The following SLAMF6 variants were observed in gnomAD, a reference collection of about 807,000 sequenced individuals.
SLAMF6 encodes NK-T-B-antigen.
In SLAMF6, 21 loss-of-function variants were observed where a neutral mutation model predicts 38.3. That is an observed-to-expected ratio of 0.55 (90% confidence interval 0.39 to 0.79). The LOEUF is 0.79. SLAMF6 is among the 30% of genes least tolerant of loss of function. The pLI, the probability that SLAMF6 is intolerant of heterozygous loss-of-function variation, is 0.00. For missense variants in SLAMF6, 341 were observed against 385.3 expected (o/e 0.89, Z 0.96); for synonymous variants, 152 against 146.3 (o/e 1.04, Z -0.28).
intron 1 of SLAMF6, among the ~76,000 whole-genome samples, chr1:160,500,917 T>C (rs1653854439): frequency 6.6e-6 from 1 of 152,294 alleles, no homozygotes; most frequent in Non-Finnish European, 1.5e-5. Flanking sequence ...TTAAGTTCCA[T>C]TGATTTTATA....
chr1:160,488,685 GCCACCTGCT>G (rs1227927076), intron 6 of SLAMF6, among the ~76,000 whole-genome samples: 9 of 152,142 alleles, frequency 5.9e-5, no homozygotes, highest in African/African-American at 2.2e-4. Flanking sequence ...TGAGAAGTCA[GCCACCTGCT>G]ATGGAACTAC....
chr1:160,521,536 G>T (rs772029604), intron 1 of SLAMF6, among the ~76,000 whole-genome samples: 1 of 152,092 alleles, frequency 6.6e-6, no homozygotes, highest in Non-Finnish European at 1.5e-5. Flanking sequence ...TCAGGAAGTG[G>T]CTCTTGAATG....
chr1:160,522,454 C>T (rs902264885), intron 1 of SLAMF6, among the ~76,000 whole-genome samples: 9 of 152,146 alleles, frequency 5.9e-5, no homozygotes, highest in Non-Finnish European at 1.3e-4. Context: ...CTTTGTCTCC[C>T]GTGGACCACT....
At chr1:160,499,540 G>C (rs561116781) in intron 1 of SLAMF6, among the ~76,000 whole-genome samples, 4 of 152,156 alleles carry the variant, frequency 2.6e-5, no homozygotes, top group Non-Finnish European at 4.4e-5. Flanking sequence ...TTGACTATTT[G>C]GGCTCTTTTT....
chr1:160,491,448 T>A, intron 2 of SLAMF6, 60 bp from the exon 3 acceptor site: 1 of 1,563,614 alleles, frequency 6.4e-7, no homozygotes, highest in Non-Finnish European at 8.6e-7. Context: ...CAACCCCCTG[T>A]GAAAAATATC....
chr1:160,495,792 T>G (rs1397776702), intron 2 of SLAMF6, among the ~76,000 whole-genome samples: 1 of 152,212 alleles, frequency 6.6e-6, no homozygotes, highest in Non-Finnish European at 1.5e-5. Context: ...TCATAAATAT[T>G]TGACTTCCAT....
chr1:160,508,330 A>G (rs779376425), intron 1 of SLAMF6, among the ~76,000 whole-genome samples: 2 of 152,190 alleles, frequency 1.3e-5, no homozygotes, highest in Non-Finnish European at 2.9e-5. Context: ...AGTGGTACAG[A>G]ACAGAGGCCT....
chr1:160,502,697 G>A (rs1219318337), intron 1 of SLAMF6, among the ~76,000 whole-genome samples: 1 of 152,170 alleles, frequency 6.6e-6, no homozygotes, highest in African/African-American at 2.4e-5. Flanking sequence ...GAACTAAGCA[G>A]ATTCTGAAAA....
chr1:160,488,947 A>G, intron 6 of SLAMF6, 141 bp downstream of exon 6: 5 of 723,410 alleles, frequency 6.9e-6, no homozygotes, highest in Non-Finnish European at 1.2e-5. Flanking sequence ...GGTCTAGCGC[A>G]TAACTTTGCA....
chr1:160,488,973 G>A, intron 6 of SLAMF6, 115 bp downstream of exon 6: 1 of 920,232 alleles, frequency 1.1e-6, no homozygotes, highest in Non-Finnish European at 1.8e-6. Flanking sequence ...TGTCGCTGTG[G>A]CTGTCTTCTC....
chr1:160,515,982 T>C (rs983262992), intron 1 of SLAMF6, among the ~76,000 whole-genome samples: 1 of 152,174 alleles, frequency 6.6e-6, no homozygotes, highest in Non-Finnish European at 1.5e-5. Context: ...CTATTCAGCA[T>C]AGTATTAGAA....
rs960242820 is a variant in SLAMF6, at chr1:160,490,052, T to TC, written c.796+145dup. ...ACCATGTAGGACCCATGATTACAGA[T>TC]CATCTCCCCTCACAGCATGTGGTCT... On this transcript the variant is annotated intron_variant, in intron 5 of 7. Transcript: ENST00000368057. 5 of 906,014 alleles carry TC rather than the reference T, an allele frequency of 5.5e-6. No individual in the cohort carries two copies. In the African/African-American group the frequency reaches 8.2e-5, roughly 15 times the overall value. 56.1% of individuals were successfully genotyped at this position (906,014 alleles called of 1,614,324 possible).
At chr1:160,511,456 G>C (rs1354220686) in intron 1 of SLAMF6, among the ~76,000 whole-genome samples, 1 of 152,140 alleles carries the variant, frequency 6.6e-6, no homozygotes, top group Non-Finnish European at 1.5e-5. Flanking sequence ...AGAGTGCTAA[G>C]ATCATTCAAT....
chr1:160,495,864 G>GTAA (rs1557937813), intron 2 of SLAMF6, among the ~76,000 whole-genome samples, 197 bp downstream of exon 2: 1 of 152,142 alleles, frequency 6.6e-6, no homozygotes, highest in Non-Finnish European at 1.5e-5. Flanking sequence ...ATTCTGGGCT[G>GTAA]GGACACAAGA....
In SLAMF6 at chr1:160,490,725, A is replaced by G. The variant is rs778798450; in HGVS notation, c.647-40T>C. The G allele has an allele frequency of 6.9e-6, 11 of 1,604,534 alleles. No homozygotes were observed. In the South Asian group the frequency reaches 9.0e-5, roughly 13 times the overall value. On this transcript the variant is annotated intron_variant, in intron 3 of 7. Coordinates refer to ENST00000368057, the MANE Select transcript of SLAMF6 (RefSeq NM_001184714.2). ...AAGAAATGACATTTGAGACACATCA[A>G]GTGAGGCCCACTGTTCTTGGAGCCT...
rs112676389 is a variant in SLAMF6, at chr1:160,488,107, C to A, written c.880-932G>T. On this transcript the variant is annotated intron_variant, in intron 6 of 7. Coordinates refer to ENST00000368057, the MANE Select transcript of SLAMF6 (RefSeq NM_001184714.2). ...CTCTGTCTCAAAAAAAAAAAAAAACCAAAAAACAAAAAACAAACCAACAAA... is the reference window on the plus strand; with the variant it reads ...CTCTGTCTCAAAAAAAAAAAAAAACAAAAAAACAAAAAACAAACCAACAAA... Among the ~76,000 whole-genome samples, 1,346 of 149,520 alleles carry A rather than the reference C, an allele frequency of 9.0e-3. 22 individuals are homozygous for A. The highest frequency in any genetic ancestry group is 0.031 in the African/African-American group (1,265 of 40,772).
chr1:160,488,174 T>C (rs1266956706), intron 6 of SLAMF6, among the ~76,000 whole-genome samples: 2 of 152,056 alleles, frequency 1.3e-5, no homozygotes, highest in African/African-American at 2.4e-5. Flanking sequence ...ATTTTTTTTT[T>C]CTTTTTGCTA....
At chr1:160,497,371 G>A (rs559629106) in intron 1 of SLAMF6, among the ~76,000 whole-genome samples, 16 of 152,180 alleles carry the variant, frequency 1.1e-4, no homozygotes, top group African/African-American at 2.9e-4. Flanking sequence ...AACTGACCAC[G>A]CCTTAATTAG....
At chr1:160,489,433 A>T (rs1423824338) in intron 5 of SLAMF6, among the ~76,000 whole-genome samples, 1 of 152,166 alleles carries the variant, frequency 6.6e-6, no homozygotes, top group African/African-American at 2.4e-5. Flanking sequence ...CAGGCTTCAC[A>T]TGTGGGTCAG....
Sources: gnomAD v4.1 joint callset for allele counts (sites outside exome capture counted in the v4.1 genomes callset) on GRCh38, gnomAD v4.1.1 for gene constraint, MANE v1.5 for transcripts, NCBI Gene and HGNC (gene_info 2026-07-23, HGNC 2026-07-21) for gene names.